Variants in ZNF605 observed in about 807,000 individuals in gnomAD.
The protein encoded by ZNF605 is zinc finger protein 605.
Under a neutral mutation model 7.9 loss-of-function variants are expected in ZNF605, and 9 were observed. The ratio of observed to expected loss-of-function variants is 1.14; its 90% CI spans 0.68 to 1.98. ZNF605 has a LOEUF of 1.98. Among genes scored for constraint, ZNF605 ranks in the 30% most tolerant of loss-of-function variants. The pLI is 0.00. For synonymous variants in ZNF605, 255 were observed against 260.1 expected, an observed-to-expected ratio of 0.98 and a Z score of 0.19; for missense variants, 673 against 762.4, an observed-to-expected ratio of 0.88 and a Z score of 1.38.
intron 1 of ZNF605, among the ~76,000 whole-genome samples, chr12:132,949,043 T>C (rs1952528388): frequency 6.6e-6 from 1 of 152,170 alleles, no homozygotes; most frequent in Non-Finnish European, 1.5e-5. Context: ...ATGGGGTGCC[T>C]GTATTAACTG....
intron 3 of ZNF605, among the ~76,000 whole-genome samples, chr12:132,939,004 G>A (rs1374817069): frequency 6.6e-6 from 1 of 151,616 alleles, no homozygotes; most frequent in Non-Finnish European, 1.5e-5. Flanking sequence ...GCAGGGCTGG[G>A]CACCTGCAGC....
intron 1 of ZNF605, among the ~76,000 whole-genome samples, chr12:132,951,766 A>C (rs1223714781): frequency 6.6e-6 from 1 of 152,068 alleles, no homozygotes; most frequent in Non-Finnish European, 1.5e-5. Flanking sequence ...CACATCACAC[A>C]GACAAGTACA....
intron 3 of ZNF605, among the ~76,000 whole-genome samples, chr12:132,935,470 G>A (rs1182602596): frequency 6.6e-6 from 1 of 152,058 alleles, no homozygotes; most frequent in Non-Finnish European, 1.5e-5. Context: ...TTTTGAGGGG[G>A]CCATGCATTC....
At position 132,919,432 on chromosome 12, in the gene ZNF605, CCAGAG is replaced by C. The variant is rs1398537402; in HGVS notation, c.*5936_*5940del. On this transcript the variant is annotated 3_prime_UTR_variant, in exon 5 of 5. Coordinates refer to ENST00000360187, the MANE Select transcript of ZNF605 (RefSeq NM_183238.4). ...ATGGAGTCTCGCTTTGTCGCTCAGG[CCAGAG>C]TGAGTGCAGTGGCGCGATCTCAGCT... 4.3e-5 allele frequency: 6 copies of C among 139,528 alleles called. No homozygotes were observed. Among genetic ancestry groups the C allele is most frequent in the African/African-American group, 1.6e-4 (6 of 36,392 alleles). 8.6% of individuals were successfully genotyped at this position (139,528 alleles called of 1,614,324 possible). A position where few individuals can be genotyped will look rare whatever the true frequency, so the allele number is the denominator to read the frequency against.
intron 4 of ZNF605, among the ~76,000 whole-genome samples, chr12:132,929,034 CA>C (rs1294091134): frequency 5.7e-4 from 8 of 14,114 alleles, no homozygotes; most frequent in African/African-American, 7.7e-4. Flanking sequence ...CAAAACAAAA[CA>C]AAACAAAACA....
intron 1 of ZNF605, among the ~76,000 whole-genome samples, chr12:132,953,806 C>T (rs1389623946): frequency 2.0e-5 from 3 of 152,036 alleles, no homozygotes; most frequent in Non-Finnish European, 4.4e-5. Context: ...CTCACTGACA[C>T]CCACAGGGTC....
In ZNF605 at chr12:132,933,250, G is replaced by T; in HGVS notation, c.16-95C>A. ...ATTTGTGGTAGGTGGCCTCTAAGAT[G>T]GCCCCAGTGACCTCTGACTCCGGTA... is the stretch of plus-strand genomic sequence containing the variant. On this transcript the variant is annotated intron_variant, in intron 3 of 4. Coordinates refer to ENST00000360187, the MANE Select transcript of ZNF605 (RefSeq NM_183238.4). The surrounding 1 kb of genome is among the most constrained non-coding windows in gnomAD (Gnocchi z 4.4). 2 of 1,408,558 alleles carry T rather than the reference G, an allele frequency of 1.4e-6. No homozygotes were observed. The highest frequency in any genetic ancestry group is 1.9e-6 in the Non-Finnish European group (2 of 1,047,974). The allele number at this position is 1,408,558 out of a possible 1,614,324, so 87.3% of individuals were successfully genotyped here.
Position 132,939,822 on chromosome 12 carries a change from G to A in ZNF605, c.15+5799C>T, listed in dbSNP as rs533994313. On this transcript the variant is annotated intron_variant, in intron 3 of 4. Coordinates refer to ENST00000360187, the MANE Select transcript of ZNF605 (RefSeq NM_183238.4). ...GCTTTTATGAGCTGTAACACTCACCGCGAAGATCTGCAGCTTCACTCCTGA... is the reference window on the plus strand; with the variant it reads ...GCTTTTATGAGCTGTAACACTCACCACGAAGATCTGCAGCTTCACTCCTGA... 3.6e-3 allele frequency among the ~76,000 whole-genome samples: 542 copies of A among 150,824 alleles called. 4 individuals are homozygous for A. Among genetic ancestry groups the A allele is most frequent in the African/African-American group, 0.013 (516 of 40,424 alleles).
chr12:132,930,508 A>G (rs1952297965), intron 4 of ZNF605, among the ~76,000 whole-genome samples: 1 of 151,968 alleles, frequency 6.6e-6, no homozygotes, highest in South Asian at 2.1e-4. Flanking sequence ...TGCATAGCAC[A>G]TAACAAGCCC....
chr12:132,937,591 T>C (rs1238290422), intron 3 of ZNF605, among the ~76,000 whole-genome samples: 1 of 152,020 alleles, frequency 6.6e-6, no homozygotes, highest in Non-Finnish European at 1.5e-5. Context: ...TTCATTGTGG[T>C]GGGAATGTAA....
At chr12:132,950,016 C>T (rs953625907) in intron 1 of ZNF605, among the ~76,000 whole-genome samples, 3 of 151,958 alleles carry the variant, frequency 2.0e-5, no homozygotes, top group South Asian at 2.1e-4. Flanking sequence ...CCTCCTGAGA[C>T]GCCTGGGAGC....
At chr12:132,939,616 C>CA (rs1211742487) in intron 3 of ZNF605, among the ~76,000 whole-genome samples, 2 of 152,132 alleles carry the variant, frequency 1.3e-5, no homozygotes, top group Admixed American at 1.3e-4. Context: ...AGCGCCCTGA[C>CA]AAAACAGGCC....
chr12:132,954,760 T>C (rs1952617723), intron 1 of ZNF605, among the ~76,000 whole-genome samples: 3 of 151,866 alleles, frequency 2.0e-5, no homozygotes, highest in Non-Finnish European at 4.4e-5. Flanking sequence ...TGGAAAGGGA[T>C]TGTGGGGCTC....
At position 132,923,559 on chromosome 12, in the gene ZNF605, C is replaced by T. The variant is rs1416945839; in HGVS notation, c.*1814G>A. On this transcript the variant is annotated 3_prime_UTR_variant, in exon 5 of 5. Coordinates refer to ENST00000360187, the MANE Select transcript of ZNF605 (RefSeq NM_183238.4). ...CATAGTTCTCACCAGAAATATGCTG[C>T]CATTCTTTGTTCATGTGTATGTATT... 2 of 152,078 alleles carry T rather than the reference C, an allele frequency of 1.3e-5. No individual in the cohort carries two copies. The highest frequency in any genetic ancestry group is 2.4e-5 in the African/African-American group (1 of 41,396). 9.4% of individuals were successfully genotyped at this position (152,078 alleles called of 1,614,324 possible). A position where few individuals can be genotyped will look rare whatever the true frequency, so the allele number is the denominator to read the frequency against.
chr12:132,947,873 GC>G (rs1355467161), intron 2 of ZNF605, among the ~76,000 whole-genome samples: 2 of 151,700 alleles, frequency 1.3e-5, no homozygotes, highest in Non-Finnish European at 2.9e-5. Context: ...AACTTTTGGA[GC>G]CCTTAACCCC....
Position 132,941,207 on chromosome 12 carries a change from A to G in ZNF605, c.15+4414T>C, listed in dbSNP as rs1207120684. 6.6e-6 allele frequency among the ~76,000 whole-genome samples: 1 copy of G among 152,046 alleles called. No individual in the cohort carries two copies. Among genetic ancestry groups the G allele is most frequent in the Non-Finnish European group, 1.5e-5 (1 of 68,014 alleles). ...TGACCGCCTCATGGAGCCATGAGAA[A>G]CGTCCCACAGAGATGCAGACATGGC... On this transcript the variant is annotated intron_variant, in intron 3 of 4. Coordinates refer to ENST00000360187, the MANE Select transcript of ZNF605 (RefSeq NM_183238.4). The surrounding 1 kb of genome is among the most constrained non-coding windows in gnomAD (Gnocchi z 5.1).
intron 1 of ZNF605, among the ~76,000 whole-genome samples, chr12:132,955,877 C>A (rs1952631496): frequency 1.3e-5 from 2 of 151,994 alleles, no homozygotes; most frequent in Non-Finnish European, 2.9e-5. Flanking sequence ...CGTCCCCTTG[C>A]CCCGCCCGTG....
At chr12:132,940,503 G>C (rs1952425142) in intron 3 of ZNF605, among the ~76,000 whole-genome samples, 1 of 152,238 alleles carries the variant, frequency 6.6e-6, no homozygotes, top group East Asian at 1.9e-4. Flanking sequence ...ACTATGATGT[G>C]GTCCCCGGTC....
chr12:132,939,968 A>C (rs1952418376), intron 3 of ZNF605, among the ~76,000 whole-genome samples: 1 of 151,820 alleles, frequency 6.6e-6, no homozygotes, highest in Non-Finnish European at 1.5e-5. Flanking sequence ...CCACGAACCC[A>C]CCAGAAGGAA....
Sources: gnomAD v4.1 joint callset for allele counts (sites outside exome capture counted in the v4.1 genomes callset) on GRCh38, gnomAD v4.1.1 for gene constraint, Gnocchi (gnomAD v3.1) non-coding constraint, MANE v1.5 for transcripts, NCBI Gene and HGNC (gene_info 2026-07-23, HGNC 2026-07-21) for gene names.